Variants in NCOA3 observed in about 807,000 individuals in gnomAD.
NCOA3 encodes nuclear receptor coactivator 3.
In NCOA3, 51 loss-of-function variants were observed where a neutral mutation model predicts 158.8. The observed-to-expected ratio is 0.32, with a 90% CI of 0.26 to 0.41. NCOA3 has a LOEUF of 0.41. Ranked by LOEUF, NCOA3 falls within the 10% of genes least tolerant of loss-of-function variation. NCOA3 has a pLI of 1.00. For missense variants in NCOA3, 1,510 were observed against 1,746.6 expected (o/e 0.86, Z 2.41); for synonymous variants, 537 against 592.4 (o/e 0.91, Z 1.36).
At chr20:47,554,475 A>G (rs1016590063) in intron 1 of NCOA3, among the ~76,000 whole-genome samples, 6 of 152,024 alleles carry the variant, frequency 3.9e-5, no homozygotes, top group Non-Finnish European at 8.8e-5. Context: ...TCCTTGCCCA[A>G]AATCTCCTTA....
At chr20:47,554,731 T>A (rs1193393802) in intron 1 of NCOA3, among the ~76,000 whole-genome samples, 1 of 151,966 alleles carries the variant, frequency 6.6e-6, no homozygotes, top group Non-Finnish European at 1.5e-5. Flanking sequence ...TGGAAGAACG[T>A]TCCATGCTCG....
At chr20:47,502,271 C>T (rs2083945189) in intron 1 of NCOA3, among the ~76,000 whole-genome samples, 2 of 152,292 alleles carry the variant, frequency 1.3e-5, no homozygotes, top group African/African-American at 2.4e-5. Context: ...GCTTGGGGAT[C>T]CGAGGGGGTC....
At chr20:47,582,827 CT>C (rs1806681921) in intron 1 of NCOA3, among the ~76,000 whole-genome samples, 1 of 152,168 alleles carries the variant, frequency 6.6e-6, no homozygotes, top group Admixed American at 6.5e-5. Context: ...GAGAATCTCG[CT>C]CTGTCACCCT....
At chr20:47,607,355 G>A (rs1891600304) in intron 2 of NCOA3, among the ~76,000 whole-genome samples, 1 of 152,106 alleles carries the variant, frequency 6.6e-6, no homozygotes, top group African/African-American at 2.4e-5. Flanking sequence ...ACCAGGAAAA[G>A]GATGACTCAA....
chr20:47,523,771 C>G (rs2084382491), intron 1 of NCOA3, among the ~76,000 whole-genome samples: 1 of 152,222 alleles, frequency 6.6e-6, no homozygotes, highest in Non-Finnish European at 1.5e-5. Context: ...TTCATGCTTC[C>G]TTTTTGTCAA....
chr20:47,538,876 T>C (rs971735543), intron 1 of NCOA3, among the ~76,000 whole-genome samples: 5 of 152,234 alleles, frequency 3.3e-5, no homozygotes, highest in African/African-American at 9.6e-5. Flanking sequence ...ATCTAAAAGA[T>C]GTTTAGTTTT....
intron 1 of NCOA3, among the ~76,000 whole-genome samples, chr20:47,577,716 T>A (rs2085393191): frequency 6.6e-6 from 1 of 152,218 alleles, no homozygotes; most frequent in African/African-American, 2.4e-5. Context: ...ACAGCAAGCA[T>A]TTAATTGAAA....
chr20:47,532,113 T>TGTGC (rs1193566854), intron 1 of NCOA3, among the ~76,000 whole-genome samples: 1 of 149,642 alleles, frequency 6.7e-6, no homozygotes, highest in Admixed American at 6.7e-5. Flanking sequence ...GGGGGACTTG[T>TGTGC]GTGTGTGTGT....
chr20:47,653,116 T>A, intron 22 of NCOA3, 44 bp downstream of exon 22: 1 of 1,605,376 alleles, frequency 6.2e-7, no homozygotes, highest in African/African-American at 1.3e-5. Flanking sequence ...TTTTTCTTGT[T>A]CTCTGGATAG....
At chr20:47,621,265 ATTTTT>A (rs11480221) in intron 2 of NCOA3, among the ~76,000 whole-genome samples, 12 of 147,862 alleles carry the variant, frequency 8.1e-5, no homozygotes, top group African/African-American at 2.7e-4. Flanking sequence ...TTTGCTTTTG[ATTTTT>A]TTTTTAAAGC....
At chr20:47,567,780 A>T (rs1269509961) in intron 1 of NCOA3, among the ~76,000 whole-genome samples, 1 of 152,118 alleles carries the variant, frequency 6.6e-6, no homozygotes, top group Non-Finnish European at 1.5e-5. Flanking sequence ...CATGTTGGCC[A>T]GGCTGGTCTC....
chr20:47,616,463 G>T (rs1355763610), intron 2 of NCOA3, among the ~76,000 whole-genome samples: 1 of 152,038 alleles, frequency 6.6e-6, no homozygotes. Context: ...AAAGTGCTAG[G>T]ATTACAGGCG....
chr20:47,574,376 C>G (rs1182299548), intron 1 of NCOA3, among the ~76,000 whole-genome samples: 2 of 152,058 alleles, frequency 1.3e-5, no homozygotes, highest in African/African-American at 2.4e-5. Context: ...TAAAGAACCT[C>G]AGAGTACAAC....
chr20:47,593,681 G>C (rs1175989612), intron 2 of NCOA3, among the ~76,000 whole-genome samples: 2 of 151,976 alleles, frequency 1.3e-5, no homozygotes, highest in Admixed American at 6.6e-5. Flanking sequence ...TTTTAAACCA[G>C]TTTTTGTGTC....
chr20:47,586,500 A>G (rs983517254), intron 2 of NCOA3, among the ~76,000 whole-genome samples: 1 of 152,158 alleles, frequency 6.6e-6, no homozygotes, highest in Non-Finnish European at 1.5e-5. Context: ...TAACCATGGT[A>G]CAGTTAATAA....
intron 1 of NCOA3, among the ~76,000 whole-genome samples, chr20:47,567,093 G>C (rs972590893): frequency 2.6e-5 from 4 of 152,050 alleles, no homozygotes; most frequent in African/African-American, 9.7e-5. Context: ...CTGTCACCAG[G>C]CTGGAGTGCA....
At chr20:47,506,993 G>A (rs2084040369) in intron 1 of NCOA3, among the ~76,000 whole-genome samples, 1 of 152,154 alleles carries the variant, frequency 6.6e-6, no homozygotes, top group Non-Finnish European at 1.5e-5. Flanking sequence ...AGGGAATCTT[G>A]GCCTGGGTAT....
chr20:47,591,973 C>CT (rs1281146412), intron 2 of NCOA3, among the ~76,000 whole-genome samples: 2 of 152,144 alleles, frequency 1.3e-5, no homozygotes, highest in Non-Finnish European at 2.9e-5. Context: ...TCTTCAAGTA[C>CT]TTTTTCTGCA....
intron 2 of NCOA3, among the ~76,000 whole-genome samples, chr20:47,595,329 C>G (rs1464715056): frequency 1.3e-5 from 2 of 151,880 alleles, no homozygotes; most frequent in African/African-American, 4.8e-5. Flanking sequence ...AACTTCTGAC[C>G]TCAGGTGATC....
Sources: allele counts gnomAD v4.1 joint callset (sites outside exome capture counted in the v4.1 genomes callset), GRCh38; gene constraint gnomAD v4.1.1; transcripts MANE v1.5; gene names NCBI Gene and HGNC (gene_info 2026-07-23, HGNC 2026-07-21).